QTRT1: variants seen among roughly 807,000 people sequenced by gnomAD.
QTRT1 encodes the protein TGT, 43-KD subunit.
In QTRT1, 41 loss-of-function variants were observed where a neutral mutation model predicts 44.0. The observed-to-expected ratio is 0.93, with a 90% CI of 0.73 to 1.21. The LOEUF is 1.21. Among genes scored for constraint, QTRT1 ranks in the 50% most tolerant of loss-of-function variants. QTRT1 has a pLI of 0.00. For missense variants in QTRT1, 542 were observed against 575.8 expected (o/e 0.94, Z 0.60); for synonymous variants, 226 against 237.1 (o/e 0.95, Z 0.43).
At chr19:10,703,710 G>A (rs542958176) in intron 3 of QTRT1, among the ~76,000 whole-genome samples, 1 of 151,742 alleles carries the variant, frequency 6.6e-6, no homozygotes, top group African/African-American at 2.4e-5. Flanking sequence ...GTAGAGATGG[G>A]GTTTCACCAT....
In QTRT1 at chr19:10,702,167, G is replaced by A; in HGVS notation, c.364G>A (p.Glu122Lys). Residue 122 changes from glutamate (E) to lysine (K), a missense_variant, in exon 3 of 10, where the codon GAG (glutamate) becomes AAG (lysine). Transcript: ENST00000250237. ...GCTGGTGTCTCTGTCCGAGGTGACG[G>A]AGGAGGGCGTCCGCTTCCGCTCCCC... is the stretch of plus-strand genomic sequence containing the variant. ...VSLVSLSEVTEEGVRFRSPYD... is the reference protein window; with the variant it reads ...VSLVSLSEVTKEGVRFRSPYD... 1 of 1,614,172 alleles carries A rather than the reference G, an allele frequency of 6.2e-7. No individual in the cohort carries two copies. The highest frequency in any genetic ancestry group is 8.5e-7 in the Non-Finnish European group (1 of 1,180,032).
Position 10,701,991 on chromosome 19 carries a change from C to T in QTRT1, c.285C>T (p.Phe95=). 6.2e-7 allele frequency: 1 copy of T among 1,614,210 alleles called. No homozygotes were observed. The highest frequency in any genetic ancestry group is 8.5e-7 in the Non-Finnish European group (1 of 1,180,032). ...LIQKANGLHG[F]MNWPHNLLTD... ...AGAAAGCCAACGGTCTCCACGGCTT[C>T]ATGAATTGGCCTCATAATCTGCTAA... Residue 95 remains phenylalanine (F), a synonymous_variant, in exon 2 of 10, where the codon TTC becomes TTT. Coordinates refer to ENST00000250237, the MANE Select transcript of QTRT1 (RefSeq NM_031209.3).
At position 10,710,517 on chromosome 19, in the gene QTRT1, A is replaced by G. The variant is rs145097517; in HGVS notation, c.647-1644A>G. 0.014 allele frequency among the ~76,000 whole-genome samples: 2,118 copies of G among 152,068 alleles called. 71 individuals are homozygous for G. In the East Asian group the frequency reaches 0.14, roughly 10 times the overall value. ...TTTTTAGTAGGGATGGGGTTTCACC[A>G]TGTTGGCCAGGCTGGTCTCGAACTC... On this transcript the variant is annotated intron_variant, in intron 5 of 9. Coordinates refer to ENST00000250237, the MANE Select transcript of QTRT1 (RefSeq NM_031209.3).
Position 10,712,945 on chromosome 19 carries a change from C to T in QTRT1, c.972-8C>T, listed in dbSNP as rs372372339. ...GGCCGTGCTGAGCTGTCCCCTGCCGCTCTACAGGCACAGCCGCGCCTTCCT... is the reference window on the plus strand; with the variant it reads ...GGCCGTGCTGAGCTGTCCCCTGCCGTTCTACAGGCACAGCCGCGCCTTCCT... On this transcript the variant is annotated splice_region_variant and splice_polypyrimidine_tract_variant and intron_variant, in intron 8 of 9. Coordinates refer to ENST00000250237, the MANE Select transcript of QTRT1 (RefSeq NM_031209.3). This position sits in a 1 kb window ranked among gnomAD's most constrained non-coding sequence, Gnocchi z 5.6. The T allele has an allele frequency of 3.1e-6, 5 of 1,613,078 alleles. No homozygotes were observed. The African/African-American group carries it at 6.7e-5, about 22-fold the overall frequency.
chr19:10,702,597 A>T (rs2145617638), intron 3 of QTRT1, among the ~76,000 whole-genome samples: 1 of 152,104 alleles, frequency 6.6e-6, no homozygotes, highest in Non-Finnish European at 1.5e-5. Flanking sequence ...TGAGGCCGGG[A>T]GTTGGAGACC....
chr19:10,707,839 T>G (rs1243219800), intron 5 of QTRT1, among the ~76,000 whole-genome samples: 2 of 151,724 alleles, frequency 1.3e-5, no homozygotes, highest in Non-Finnish European at 2.9e-5. Context: ...TGTTTTTGTT[T>G]TTTTTTTTGA....
rs985205978 is a variant in QTRT1 at position 10,707,333 on chromosome 19, G to C, written c.483G>C (p.Val161=). ...ACATCATCATGCAGCTGGACGACGT[G>C]GTTAGCAGTACTGTGACTGGGCCAC... ...GSDIIMQLDD[V]VSSTVTGPRV... The change falls in exon 4 of 10, where the codon GTG becomes GTC. Residue 161 remains valine (V), a synonymous_variant. Coordinates refer to ENST00000250237, the MANE Select transcript of QTRT1 (RefSeq NM_031209.3). 1 of 1,614,162 alleles carries C rather than the reference G, an allele frequency of 6.2e-7. No individual in the cohort carries two copies. The highest frequency in any genetic ancestry group is 8.5e-7 in the Non-Finnish European group (1 of 1,180,030).
At chr19:10,707,818 T>G (rs1256216747) in intron 5 of QTRT1, among the ~76,000 whole-genome samples, 1 of 118,986 alleles carries the variant, frequency 8.4e-6, no homozygotes, top group African/African-American at 3.4e-5. Context: ...CTTCTAGGTT[T>G]TTTGTTTGTT....
chr19:10,702,285 C>T, intron 3 of QTRT1, 31 bp downstream of exon 3: 1 of 1,605,542 alleles, frequency 6.2e-7, no homozygotes, highest in Non-Finnish European at 8.5e-7. Context: ...CGCCTCCTTA[C>T]CCTGTCTGTC....
chr19:10,702,097 G>C lies in QTRT1; in HGVS notation c.313-19G>C. 6.2e-7 allele frequency: 1 copy of C among 1,614,150 alleles called. No individual in the cohort carries two copies. The highest frequency in any genetic ancestry group is 8.5e-7 in the Non-Finnish European group (1 of 1,180,010). ...CCCATCTCCACCCCCTGACAGCTTT[G>C]CGGTGGGGTTTCCCTTAGGACAGCG... On this transcript the variant is annotated intron_variant, in intron 2 of 9. Coordinates refer to ENST00000250237, the MANE Select transcript of QTRT1 (RefSeq NM_031209.3).
chr19:10,707,697 G>A (rs2068720933), intron 5 of QTRT1, 82 bp downstream of exon 5: 6 of 1,034,872 alleles, frequency 5.8e-6, no homozygotes, highest in East Asian at 2.5e-5. Context: ...GGACTGGATT[G>A]CTAATGTGTA....
rs531717773 is a variant in QTRT1 at position 10,708,754 on chromosome 19, T to C, written c.646+1139T>C. Among the ~76,000 whole-genome samples the C allele has an allele frequency of 1.5e-4, 21 of 141,944 alleles. 1 individual carries two copies. The highest frequency in any genetic ancestry group is 1.3e-3 in the Admixed American group (18 of 13,904). The allele number at this position is 141,944 out of a possible 152,430, so 93.1% of individuals were successfully genotyped here. The stretch of plus-strand genomic sequence containing the variant: ...TGGCCCCAGACAACGCCTGCATTCC[T>C]TTTTTTTTTTTTCTTTTTTTTTTTT... On this transcript the variant is annotated intron_variant, in intron 5 of 9. Coordinates refer to ENST00000250237, the MANE Select transcript of QTRT1 (RefSeq NM_031209.3).
intron 5 of QTRT1, among the ~76,000 whole-genome samples, chr19:10,710,608 C>T (rs1178119933): frequency 2.2e-5 from 3 of 134,870 alleles, no homozygotes; most frequent in African/African-American, 8.5e-5. Context: ...AGCCATGTGC[C>T]CAGCCTATTT....
rs1476140678 is a variant in QTRT1, at chr19:10,712,700, G to A, written c.862-58G>A. On this transcript the variant is annotated intron_variant, in intron 7 of 9. Transcript: ENST00000250237. This position sits in a 1 kb window ranked among gnomAD's most constrained non-coding sequence, Gnocchi z 5.6. ...CTAGGGAGGCAAGGTTAGGGGTGGGGGGTGGGGAGAATGAAGCCCTGGGTG... is the reference window on the plus strand; with the variant it reads ...CTAGGGAGGCAAGGTTAGGGGTGGGAGGTGGGGAGAATGAAGCCCTGGGTG... 1 of 634,742 alleles carries A rather than the reference G, an allele frequency of 1.6e-6. No homozygotes were observed. Among genetic ancestry groups the A allele is most frequent in the Non-Finnish European group, 2.8e-6 (1 of 357,286 alleles). 39.3% of individuals were successfully genotyped at this position (634,742 alleles called of 1,614,324 possible). A position where few individuals can be genotyped will look rare whatever the true frequency, so the allele number is the denominator to read the frequency against.
intron 3 of QTRT1, among the ~76,000 whole-genome samples, chr19:10,706,012 G>A (rs547008258): frequency 1.3e-3 from 200 of 151,354 alleles, no homozygotes; most frequent in African/African-American, 4.7e-3. Context: ...CCGCCACCAC[G>A]CCCGGCTAAT....
chr19:10,708,495 C>T (rs2068724647), intron 5 of QTRT1, among the ~76,000 whole-genome samples: 2 of 152,118 alleles, frequency 1.3e-5, no homozygotes, highest in African/African-American at 2.4e-5. Context: ...GACAACAACC[C>T]GTGCGTCATC....
chr19:10,713,192 C>G lies in QTRT1; in HGVS notation c.1134C>G (p.Gly378=). 1.2e-6 allele frequency: 2 copies of G among 1,609,208 alleles called. No homozygotes were observed. Among genetic ancestry groups the G allele is most frequent in the Non-Finnish European group, 1.7e-6 (2 of 1,177,804 alleles). Residue 378 remains glycine, a synonymous_variant, in exon 10 of 10, where the codon GGC becomes GGG. Transcript: ENST00000250237. This position sits in a 1 kb window ranked among gnomAD's most constrained non-coding sequence, Gnocchi z 4.3. ...RFPDFVRDFM[G]AMYGDPTLCP... The stretch of plus-strand genomic sequence containing the variant: ...CGGACTTCGTGCGGGACTTCATGGG[C>G]GCCATGTACGGGGATCCCACCCTCT...
Position 10,707,192 on chromosome 19 carries a change from G to A in QTRT1, c.452-110G>A, listed in dbSNP as rs138738566. ...AAAGTCACGTGGGAGTTAGCAAGAC[G>A]GGGGATGGGGGGATGCTCTTGGGGA... is the stretch of plus-strand genomic sequence containing the variant. On this transcript the variant is annotated intron_variant, in intron 3 of 9. Coordinates refer to ENST00000250237, the MANE Select transcript of QTRT1 (RefSeq NM_031209.3). 3.1e-4 allele frequency: 329 copies of A among 1,068,752 alleles called. No individual in the cohort carries two copies. The African/African-American group carries it at 3.1e-3, about 10-fold the overall frequency. The allele number at this position is 1,068,752 out of a possible 1,614,324, so 66.2% of individuals were successfully genotyped here. A position where few individuals can be genotyped will look rare whatever the true frequency, so the allele number is the denominator to read the frequency against.
chr19:10,706,191 A>G (rs2068712922), intron 3 of QTRT1, among the ~76,000 whole-genome samples: 1 of 151,292 alleles, frequency 6.6e-6, no homozygotes, highest in Non-Finnish European at 1.5e-5. Flanking sequence ...GTTTTCATCT[A>G]TTTATTTTCT....
Sources: allele counts gnomAD v4.1 joint callset (sites outside exome capture counted in the v4.1 genomes callset), GRCh38; gene constraint gnomAD v4.1.1; non-coding constraint Gnocchi (gnomAD v3.1); transcripts MANE v1.5; gene names NCBI Gene and HGNC (gene_info 2026-07-23, HGNC 2026-07-21).